RPSA2: variants seen among roughly 807,000 people sequenced by gnomAD.
RPSA2 encodes the protein small ribosomal subunit protein uS2B.
At chr19:23,802,235 A>G in the RPSA2 span, among the ~76,000 whole-genome samples, 3 of 151,378 alleles carry the variant, frequency 2.0e-5, no homozygotes, top group Non-Finnish European at 2.9e-5. Flanking sequence ...AAGTGTAAAC[A>G]AGCATCTTAG....
chr19:23,830,960 C>T, the RPSA2 span, among the ~76,000 whole-genome samples: 2 of 152,184 alleles, frequency 1.3e-5, no homozygotes, highest in South Asian at 4.2e-4. Flanking sequence ...GAGTTTCTCA[C>T]ACATATTCTT....
At chr19:23,761,903 T>TC in the RPSA2 span, among the ~76,000 whole-genome samples, 37 of 35,632 alleles carry the variant, frequency 1.0e-3, 2 homozygotes, top group African/African-American at 2.3e-3. Flanking sequence ...GTAACGTAAT[T>TC]CTTTCTTTCT....
chr19:23,814,565 T>A, the RPSA2 span, among the ~76,000 whole-genome samples: 1 of 152,296 alleles, frequency 6.6e-6, no homozygotes, highest in East Asian at 1.9e-4. Context: ...TGGCTAGAGG[T>A]CATAATAAAA....
chr19:23,769,609 G>A, the RPSA2 span, among the ~76,000 whole-genome samples: 1 of 152,182 alleles, frequency 6.6e-6, no homozygotes, highest in Admixed American at 6.5e-5. Flanking sequence ...CTCCCAAAGT[G>A]CTGGGATTAC....
chr19:23,869,689 G>A, the RPSA2 span, among the ~76,000 whole-genome samples: 1 of 152,132 alleles, frequency 6.6e-6, no homozygotes, highest in Non-Finnish European at 1.5e-5. Flanking sequence ...TTGGCATGGA[G>A]CAGGCTTTAG....
chr19:23,854,405 G>A, the RPSA2 span, among the ~76,000 whole-genome samples: 117 of 152,322 alleles, frequency 7.7e-4, no homozygotes, highest in South Asian at 0.023. Flanking sequence ...AGACAGAAGA[G>A]GCTGGGACCC....
At chr19:23,789,648 A>G in the RPSA2 span, among the ~76,000 whole-genome samples, 8 of 152,132 alleles carry the variant, frequency 5.3e-5, no homozygotes, top group Admixed American at 4.6e-4. Context: ...CACATATTGT[A>G]TAAAGCTCTC....
chr19:23,861,486 T>C, the RPSA2 span, among the ~76,000 whole-genome samples: 1 of 152,102 alleles, frequency 6.6e-6, no homozygotes, highest in African/African-American at 2.4e-5. Flanking sequence ...ACCACCTCCC[T>C]TCCACATACT....
chr19:23,793,200 A>C, the RPSA2 span, among the ~76,000 whole-genome samples: 9 of 91,860 alleles, frequency 9.8e-5, no homozygotes, highest in Admixed American at 1.4e-3. Flanking sequence ...TAATGGAAAG[A>C]GGTGGCTTTC....
At chr19:23,784,983 A>T in the RPSA2 span, among the ~76,000 whole-genome samples, 24,093 of 152,256 alleles carry the variant, frequency 0.16, 1,955 homozygotes, top group Admixed American at 0.21. Flanking sequence ...GTGGACACGT[A>T]TGGAATTTCT....
chr19:23,774,561 A>G, the RPSA2 span, among the ~76,000 whole-genome samples: 1 of 152,222 alleles, frequency 6.6e-6, no homozygotes, highest in Non-Finnish European at 1.5e-5. Flanking sequence ...ACAAGGTAAC[A>G]TGAGTCTCCT....
At chr19:23,866,452 G>A in the RPSA2 span, among the ~76,000 whole-genome samples, 1 of 152,022 alleles carries the variant, frequency 6.6e-6, no homozygotes, top group African/African-American at 2.4e-5. Context: ...TGGAAAAACT[G>A]GACATTTTAA....
chr19:23,761,360 G>C, the RPSA2 span, among the ~76,000 whole-genome samples: 2 of 152,062 alleles, frequency 1.3e-5, no homozygotes, highest in Non-Finnish European at 2.9e-5. Flanking sequence ...GATTACAGGT[G>C]TTAGCCATCA....
At chr19:23,761,921 T>TTTC in the RPSA2 span, among the ~76,000 whole-genome samples, 62 of 76,200 alleles carry the variant, frequency 8.1e-4, 3 homozygotes, top group African/African-American at 2.7e-3. Flanking sequence ...TCTTTCTTTC[T>TTTC]TTTTTTTTTT....
chr19:23,832,772 A>C, the RPSA2 span: 1 of 1,571,196 alleles, frequency 6.4e-7, no homozygotes, highest in East Asian at 2.3e-5. Context: ...CTTACTCGAC[A>C]TAAGATAATT....
the RPSA2 span, among the ~76,000 whole-genome samples, chr19:23,833,937 G>T: frequency 6.6e-6 from 1 of 151,956 alleles, no homozygotes; most frequent in Non-Finnish European, 1.5e-5. Flanking sequence ...AGAAAACCCT[G>T]CAAATATAAT....
At chr19:23,852,803 T>C in the RPSA2 span, among the ~76,000 whole-genome samples, 1 of 152,242 alleles carries the variant, frequency 6.6e-6, no homozygotes. Flanking sequence ...CAAAAGTTTT[T>C]GGAAATCACT....
the RPSA2 span, among the ~76,000 whole-genome samples, chr19:23,778,648 C>G: frequency 1.3e-5 from 2 of 152,074 alleles, no homozygotes; most frequent in East Asian, 1.9e-4. Flanking sequence ...CCGCTAGGCT[C>G]AACACACAAG....
At chr19:23,828,737 G>A in the RPSA2 span, among the ~76,000 whole-genome samples, 1 of 151,806 alleles carries the variant, frequency 6.6e-6, no homozygotes, top group Non-Finnish European at 1.5e-5. Flanking sequence ...TGTTGTTGAG[G>A]AGTGTTCTCC....
Sources: gnomAD v4.1 joint callset for allele counts (sites outside exome capture counted in the v4.1 genomes callset) on GRCh38, gnomAD v4.1.1 for gene constraint, MANE v1.5 for transcripts, NCBI Gene and HGNC (gene_info 2026-07-23, HGNC 2026-07-21) for gene names.